The following LNX1 variants were observed in gnomAD, a reference collection of about 807,000 sequenced individuals.
LNX1 encodes E3 ubiquitin-protein ligase LNX.
In LNX1, 54 loss-of-function variants were observed where a neutral mutation model predicts 68.4. That is an observed-to-expected ratio of 0.79 (90% CI 0.63 to 0.99). The LOEUF is 0.99. LNX1 is among the 50% of genes least tolerant of loss of function. The pLI is 0.00. For missense variants in LNX1, 906 were observed against 926.4 expected, an observed-to-expected ratio of 0.98 and a Z score of 0.29; for synonymous variants, 336 against 350.0, an observed-to-expected ratio of 0.96 and a Z score of 0.45.
chr4:53,481,624 A>G, intron 7 of LNX1, 96 bp downstream of exon 7: 1 of 1,371,462 alleles, frequency 7.3e-7, no homozygotes, highest in Non-Finnish European at 9.7e-7. Context: ...CTTTAAGTAA[A>G]AAAGTCCAGA....
chr4:53,467,225 C>T (rs1011722177), intron 9 of LNX1, among the ~76,000 whole-genome samples: 3 of 152,126 alleles, frequency 2.0e-5, no homozygotes, highest in African/African-American at 7.2e-5. Context: ...GATACTCAGG[C>T]AACAGGGTCT....
intron 1 of LNX1, among the ~76,000 whole-genome samples, chr4:53,627,106 G>A (rs1734105794): frequency 6.6e-6 from 1 of 152,132 alleles, no homozygotes. Flanking sequence ...ACACTTACTG[G>A]GTTTTCACAG....
At chr4:53,494,929 T>C (rs1724945086) in intron 6 of LNX1, among the ~76,000 whole-genome samples, 2 of 152,226 alleles carry the variant, frequency 1.3e-5, no homozygotes, top group Admixed American at 6.5e-5. Context: ...TTCATTTATA[T>C]AACATTCTTG....
upstream of LNX1, among the ~76,000 whole-genome samples, chr4:53,593,301 G>A (rs369063630): frequency 2.0e-5 from 3 of 152,230 alleles, no homozygotes; most frequent in African/African-American, 7.2e-5. Flanking sequence ...GCCTTCAGCG[G>A]TCTTGCCTTT....
chr4:53,524,629 C>G lies in LNX1; in HGVS notation c.381-16402G>C, dbSNP rs1388710074. On this transcript the variant is annotated intron_variant, in intron 2 of 10. Coordinates refer to ENST00000263925, the MANE Select transcript of LNX1 (RefSeq NM_001126328.3). The stretch of plus-strand genomic sequence containing the variant: ...TAAGCCTACGCTCTTTCTAGAACCA[C>G]TCAATATTGTCTCCAGGGCTGACTC... Among the ~76,000 whole-genome samples the G allele has an allele frequency of 2.0e-5, 3 of 152,204 alleles. 1 individual carries two copies. The highest frequency in any genetic ancestry group is 7.2e-5 in the African/African-American group (3 of 41,442).
chr4:53,576,226 C>T (rs979553150), intron 1 of LNX1: 20 of 1,604,254 alleles, frequency 1.2e-5, no homozygotes, highest in Admixed American at 3.4e-5. Context: ...GGCTCGCTTC[C>T]TGCAGCCGAG....
At chr4:53,526,814 GT>G (rs1008939733) in intron 2 of LNX1, among the ~76,000 whole-genome samples, 9 of 151,892 alleles carry the variant, frequency 5.9e-5, no homozygotes, top group Admixed American at 5.9e-4. Context: ...GACCTCTTCT[GT>G]TATATTGTGA....
At chr4:53,522,313 A>G (rs1477723129) in intron 2 of LNX1, among the ~76,000 whole-genome samples, 1 of 152,160 alleles carries the variant, frequency 6.6e-6, no homozygotes, top group Non-Finnish European at 1.5e-5. Flanking sequence ...CTGATGCTTC[A>G]TAGTGATCTC....
intron 2 of LNX1, among the ~76,000 whole-genome samples, chr4:53,527,853 C>G (rs1183981370): frequency 2.6e-5 from 4 of 152,164 alleles, no homozygotes. Flanking sequence ...AGTATCTTCT[C>G]CAACAAATAA....
intron 1 of LNX1, among the ~76,000 whole-genome samples, chr4:53,640,043 A>C (rs1199295876): frequency 6.6e-6 from 1 of 152,218 alleles, no homozygotes; most frequent in African/African-American, 2.4e-5. Context: ...TCTCAAAAAA[A>C]AATAAAAATA....
At chr4:53,634,331 C>G (rs1008708919) in intron 1 of LNX1, among the ~76,000 whole-genome samples, 3 of 151,630 alleles carry the variant, frequency 2.0e-5, no homozygotes, top group African/African-American at 7.3e-5. Context: ...GCACCCTCCA[C>G]CTCCTAGGTT....
chr4:53,631,114 G>A (rs1286233127), intron 1 of LNX1, among the ~76,000 whole-genome samples: 4 of 152,164 alleles, frequency 2.6e-5, no homozygotes, highest in Non-Finnish European at 5.9e-5. Flanking sequence ...TAGAGGAGGA[G>A]GAAGTCGCCC....
chr4:53,564,860 C>T (rs572630718), intron 2 of LNX1, among the ~76,000 whole-genome samples: 2 of 152,284 alleles, frequency 1.3e-5, no homozygotes, highest in South Asian at 4.1e-4. Flanking sequence ...GAGTTAGTTC[C>T]CTTTCCTAAT....
chr4:53,461,206 A>G (rs1365505229), intron 10 of LNX1, among the ~76,000 whole-genome samples, 164 bp from the exon 11 acceptor site: 1 of 152,112 alleles, frequency 6.6e-6, no homozygotes. Context: ...CTCCAAACTC[A>G]CTATCCATTC....
intron 2 of LNX1, among the ~76,000 whole-genome samples, chr4:53,568,176 G>T (rs545525801): frequency 6.6e-6 from 1 of 151,760 alleles, no homozygotes; most frequent in Non-Finnish European, 1.5e-5. Flanking sequence ...TACCAAAGCC[G>T]GGCAGAGACA....
intron 4 of LNX1, among the ~76,000 whole-genome samples, chr4:53,501,311 G>GGGGGGGGGGGGGA (rs1553932778): frequency 1.8e-5 from 1 of 55,694 alleles, no homozygotes; most frequent in Non-Finnish European, 3.6e-5. Flanking sequence ...GGGGTGGGGG[G>GGGGGGGGGGGGGA]ACAGGATCTC....
intron 2 of LNX1, among the ~76,000 whole-genome samples, chr4:53,538,781 A>G (rs1477163724): frequency 6.6e-6 from 1 of 152,216 alleles, no homozygotes; most frequent in African/African-American, 2.4e-5. Context: ...GTCCAGTCTC[A>G]TTATTTTCAA....
chr4:53,559,269 G>A lies in LNX1; in HGVS notation c.380+14354C>T, dbSNP rs1047477554. 3.9e-4 allele frequency among the ~76,000 whole-genome samples: 60 copies of A among 152,202 alleles called. 1 individual carries two copies. Among genetic ancestry groups the A allele is most frequent in the Non-Finnish European group, 4.4e-5 (3 of 68,038 alleles). On this transcript the variant is annotated intron_variant, in intron 2 of 10. Coordinates refer to ENST00000263925, the MANE Select transcript of LNX1 (RefSeq NM_001126328.3). ...AGAATGTGCAGATTTAATTTCTACAGTTTAAAGTGCAGATGAACAACCTTG... is the reference window on the plus strand; with the variant it reads ...AGAATGTGCAGATTTAATTTCTACAATTTAAAGTGCAGATGAACAACCTTG...
chr4:53,586,335 G>T (rs1335652577), intron 1 of LNX1, among the ~76,000 whole-genome samples: 7 of 152,204 alleles, frequency 4.6e-5, no homozygotes, highest in Non-Finnish European at 8.8e-5. Flanking sequence ...TCATAAGCAA[G>T]TTATGCAAAT....
Sources: allele counts gnomAD v4.1 joint callset (sites outside exome capture counted in the v4.1 genomes callset), GRCh38; gene constraint gnomAD v4.1.1; transcripts MANE v1.5; gene names NCBI Gene and HGNC (gene_info 2026-07-23, HGNC 2026-07-21).